ADGRB3: variants seen among roughly 807,000 people sequenced by gnomAD.
The protein encoded by ADGRB3 is adhesion G protein-coupled receptor B3, also known as brain-specific angiogenesis inhibitor 3.
ADGRB3 carries 37 observed loss-of-function variants against 193.4 expected under a neutral mutation model. The ratio of observed to expected loss-of-function variants is 0.19; its 90% CI spans 0.15 to 0.25. The LOEUF is 0.25. Among genes scored for constraint, ADGRB3 ranks in the 10% least tolerant of loss-of-function variants. The probability of loss-of-function intolerance (pLI) is 1.00; values close to 1 mark genes in which losing one functional copy is unlikely to be tolerated. For missense variants in ADGRB3, 1,637 were observed against 1,852.9 expected, an observed-to-expected ratio of 0.88 and a Z score of 2.14; for synonymous variants, 690 against 644.2, an observed-to-expected ratio of 1.07 and a Z score of -1.08.
intron 15 of ADGRB3, among the ~76,000 whole-genome samples, chr6:69,054,336 A>G (rs1007249482): frequency 2.6e-5 from 4 of 152,226 alleles, no homozygotes; most frequent in Admixed American, 6.5e-5. Flanking sequence ...CTAATGCTAT[A>G]GAAATTAAAA....
intron 20 of ADGRB3, among the ~76,000 whole-genome samples, chr6:69,286,681 AAC>A (rs1241647401): frequency 4.6e-5 from 7 of 152,186 alleles, no homozygotes; most frequent in Admixed American, 1.3e-4. Context: ...CAAAACTAGA[AAC>A]TTGAATTAAA....
At chr6:69,263,035 CTT>C (rs1156559533) in intron 20 of ADGRB3, among the ~76,000 whole-genome samples, 3 of 151,866 alleles carry the variant, frequency 2.0e-5, no homozygotes, top group Non-Finnish European at 4.4e-5. Flanking sequence ...GAATCTGACT[CTT>C]TATTGAAAAG....
chr6:68,997,810 A>G (rs550473614), intron 11 of ADGRB3, among the ~76,000 whole-genome samples: 10 of 152,210 alleles, frequency 6.6e-5, no homozygotes, highest in South Asian at 4.1e-4. Context: ...TTTTTGGCCT[A>G]TGGAGGAAAC....
intron 26 of ADGRB3, among the ~76,000 whole-genome samples, chr6:69,350,221 G>A (rs2127325494): frequency 6.6e-6 from 1 of 151,806 alleles, no homozygotes; most frequent in South Asian, 2.1e-4. Context: ...GAAGTGCATG[G>A]TTAGATTCTT....
chr6:68,807,838 T>C (rs1241936727), intron 3 of ADGRB3, among the ~76,000 whole-genome samples: 1 of 152,166 alleles, frequency 6.6e-6, no homozygotes, highest in Non-Finnish European at 1.5e-5. Context: ...TTGGTTAAAT[T>C]TATCATCAGT....
chr6:69,113,082 G>A (rs1007181706), intron 17 of ADGRB3, among the ~76,000 whole-genome samples: 1 of 152,088 alleles, frequency 6.6e-6, no homozygotes, highest in Non-Finnish European at 1.5e-5. Flanking sequence ...TATACGAGAG[G>A]ATGTGCACAG....
chr6:68,686,134 T>C (rs193155949), intron 3 of ADGRB3, among the ~76,000 whole-genome samples: 3 of 152,282 alleles, frequency 2.0e-5, no homozygotes, highest in Admixed American at 2.0e-4. Context: ...ACCTGAAGAT[T>C]TCCCATCAAA....
intron 3 of ADGRB3, among the ~76,000 whole-genome samples, chr6:68,677,921 C>T (rs536477317): frequency 6.6e-6 from 1 of 152,144 alleles, no homozygotes; most frequent in South Asian, 2.1e-4. Context: ...AAAAAGACAT[C>T]CAAATTTTCT....
chr6:69,194,386 G>T (rs1168887621), intron 17 of ADGRB3, among the ~76,000 whole-genome samples: 2 of 152,086 alleles, frequency 1.3e-5, no homozygotes, highest in African/African-American at 4.8e-5. Flanking sequence ...TTCATCTTTG[G>T]AACTGGATGC....
chr6:68,980,575 A>G (rs540000403), intron 10 of ADGRB3, among the ~76,000 whole-genome samples: 2 of 151,722 alleles, frequency 1.3e-5, no homozygotes, highest in South Asian at 4.1e-4. Context: ...TGGGGGAAGA[A>G]AACAAAACAA....
chr6:69,217,295 C>G (rs557031844), intron 17 of ADGRB3, among the ~76,000 whole-genome samples: 68 of 152,206 alleles, frequency 4.5e-4, no homozygotes, highest in East Asian at 1.7e-3. Context: ...CTTATCAGTA[C>G]TTGTACTGAA....
intron 15 of ADGRB3, among the ~76,000 whole-genome samples, chr6:69,059,789 C>A (rs899831090): frequency 2.6e-5 from 4 of 152,014 alleles, no homozygotes; most frequent in African/African-American, 4.8e-5. Flanking sequence ...TGTAAATTTG[C>A]TTATTTATTT....
At position 68,930,674 on chromosome 6, in the gene ADGRB3, T is replaced by TA; in HGVS notation, c.868+6dup. Reference sequence around the variant, plus strand: ...CTAAATTTATGGCACAAACTGGTAATACGTTAGTTACATTTTTCTATTTAT... The same window carrying TA: ...CTAAATTTATGGCACAAACTGGTAATAACGTTAGTTACATTTTTCTATTTAT... On this transcript the variant is annotated splice_donor_region_variant and intron_variant, in intron 4 of 31. Transcript: ENST00000370598. 1 of 1,554,234 alleles carries TA rather than the reference T, an allele frequency of 6.4e-7. No individual in the cohort carries two copies. The highest frequency in any genetic ancestry group is 8.8e-7 in the Non-Finnish European group (1 of 1,131,124).
intron 10 of ADGRB3, among the ~76,000 whole-genome samples, chr6:68,989,631 A>G (rs1769175957): frequency 6.6e-6 from 1 of 152,182 alleles, no homozygotes; most frequent in Non-Finnish European, 1.5e-5. Context: ...CTTTTTACAG[A>G]TAAATGAAAT....
chr6:68,929,665 T>C (rs1767283584), intron 3 of ADGRB3, among the ~76,000 whole-genome samples: 1 of 152,134 alleles, frequency 6.6e-6, no homozygotes, highest in Non-Finnish European at 1.5e-5. Flanking sequence ...AACTATTCCA[T>C]ATATTAGGCT....
Position 68,829,145 on chromosome 6 carries a change from G to A in ADGRB3, c.758-101414G>A, listed in dbSNP as rs1767907346. On this transcript the variant is annotated intron_variant, in intron 3 of 31. Transcript: ENST00000370598. ...GATGGTGTCTTGCTCTGTTGCCCAG[G>A]CTGGAGTGTAGTGGCACAATCTCGG... 2.1e-5 allele frequency among the ~76,000 whole-genome samples: 3 copies of A among 143,278 alleles called. No homozygotes were observed. The South Asian group carries it at 6.6e-4, about 32-fold the overall frequency. The allele number at this position is 143,278 out of a possible 152,430, so 94.0% of individuals were successfully genotyped here.
intron 3 of ADGRB3, among the ~76,000 whole-genome samples, chr6:68,651,275 A>G (rs543018646): frequency 3.0e-4 from 45 of 152,278 alleles, no homozygotes; most frequent in Non-Finnish European, 5.6e-4. Context: ...TTATTTTTCA[A>G]CAGGCTTTGC....
chr6:69,200,909 G>A (rs985381939), intron 17 of ADGRB3, among the ~76,000 whole-genome samples: 1 of 152,056 alleles, frequency 6.6e-6, no homozygotes, highest in Admixed American at 6.6e-5. Context: ...GTCAGAAGAA[G>A]CATTTAGAAT....
intron 3 of ADGRB3, among the ~76,000 whole-genome samples, chr6:68,691,402 G>C (rs1196661731): frequency 6.6e-6 from 1 of 151,992 alleles, no homozygotes; most frequent in Non-Finnish European, 1.5e-5. Context: ...TGTAGTGTCT[G>C]AGTTTTATTC....
Sources: allele counts gnomAD v4.1 joint callset (sites outside exome capture counted in the v4.1 genomes callset), GRCh38; gene constraint gnomAD v4.1.1; transcripts MANE v1.5; gene names NCBI Gene and HGNC (gene_info 2026-07-23, HGNC 2026-07-21).